The following SGCZ variants were observed in gnomAD, a reference collection of about 807,000 sequenced individuals.
SGCZ encodes zeta-sarcoglycan.
Under a neutral mutation model 41.3 loss-of-function variants are expected in SGCZ, and 40 were observed. The ratio of observed to expected loss-of-function variants is 0.97; its 90% CI spans 0.75 to 1.26. SGCZ has a LOEUF of 1.26. Ranked by LOEUF, SGCZ falls within the 50% of genes most tolerant of loss-of-function variation. SGCZ has a pLI of 0.00. For missense variants in SGCZ, 552 were observed against 369.8 expected (o/e 1.49, Z -4.04); for synonymous variants, 206 against 137.5 (o/e 1.50, Z -3.49).
intron 1 of SGCZ, among the ~76,000 whole-genome samples, chr8:14,993,188 T>C (rs1015124033): frequency 1.3e-5 from 2 of 152,212 alleles, no homozygotes; most frequent in African/African-American, 4.8e-5. Flanking sequence ...CTGACAGCCC[T>C]TTAACTCACG....
At chr8:15,190,594 A>C (rs766748216) in intron 1 of SGCZ, among the ~76,000 whole-genome samples, 2 of 151,992 alleles carry the variant, frequency 1.3e-5, no homozygotes, top group Admixed American at 1.3e-4. Context: ...GAATGGTGCA[A>C]ATCTACAGGT....
intron 5 of SGCZ, among the ~76,000 whole-genome samples, chr8:14,132,089 A>C (rs55742062): frequency 0.13 from 19,171 of 152,072 alleles, 1,283 homozygotes; most frequent in Middle Eastern, 0.21. Context: ...ATATTGGTCC[A>C]TGTGATGGTG....
intron 1 of SGCZ, among the ~76,000 whole-genome samples, chr8:15,053,950 C>A (rs569374919): frequency 2.6e-5 from 4 of 152,182 alleles, no homozygotes; most frequent in African/African-American, 9.6e-5. Flanking sequence ...TCATCCTTGA[C>A]AAAATTGAAA....
In SGCZ at chr8:14,963,186, G is replaced by A. The variant is rs996138991; in HGVS notation, c.39+274399C>T. Among the ~76,000 whole-genome samples, 11 of 152,066 alleles carry A rather than the reference G, an allele frequency of 7.2e-5. No homozygotes were observed. In the East Asian group the frequency reaches 1.9e-3, roughly 27 times the overall value. Reference sequence around the variant, plus strand: ...AGGAAATTAAGCAGGTAACTACATCGAACACCATATATGGCATACACCAGG... The same window carrying A: ...AGGAAATTAAGCAGGTAACTACATCAAACACCATATATGGCATACACCAGG... On this transcript the variant is annotated intron_variant, in intron 1 of 7. Coordinates refer to ENST00000382080, the MANE Select transcript of SGCZ (RefSeq NM_139167.4).
At chr8:14,396,528 A>G (rs1401282607) in intron 2 of SGCZ, among the ~76,000 whole-genome samples, 1 of 152,036 alleles carries the variant, frequency 6.6e-6, no homozygotes, top group East Asian at 1.9e-4. Flanking sequence ...TTCACCCAAT[A>G]TTAAGTACAT....
intron 1 of SGCZ, among the ~76,000 whole-genome samples, chr8:15,098,667 T>A (rs1174834943): frequency 6.6e-6 from 1 of 152,220 alleles, no homozygotes; most frequent in Non-Finnish European, 1.5e-5. Context: ...CTTTTTTTTC[T>A]GGCTTTTAAG....
At chr8:14,415,278 A>C (rs1799464465) in intron 2 of SGCZ, among the ~76,000 whole-genome samples, 1 of 152,106 alleles carries the variant, frequency 6.6e-6, no homozygotes, top group Admixed American at 6.6e-5. Flanking sequence ...TATCCAAATT[A>C]ATACAAAAAT....
chr8:14,832,105 A>C (rs1346129250), intron 1 of SGCZ, among the ~76,000 whole-genome samples: 2 of 152,186 alleles, frequency 1.3e-5, no homozygotes, highest in Non-Finnish European at 2.9e-5. Flanking sequence ...TTGAAATAGC[A>C]ATGCCTTCTT....
chr8:14,422,681 G>A (rs1489391776), intron 2 of SGCZ, among the ~76,000 whole-genome samples: 1 of 152,216 alleles, frequency 6.6e-6, no homozygotes, highest in Non-Finnish European at 1.5e-5. Context: ...GTGGGGAGAT[G>A]TAGATGAGCT....
intron 4 of SGCZ, among the ~76,000 whole-genome samples, chr8:14,218,194 T>C: frequency 6.6e-6 from 1 of 152,188 alleles, no homozygotes; most frequent in Non-Finnish European, 1.5e-5. Context: ...TGATATAATC[T>C]TGTTCATAGA....
At chr8:14,348,905 C>G (rs2117098990) in intron 2 of SGCZ, among the ~76,000 whole-genome samples, 1 of 152,226 alleles carries the variant, frequency 6.6e-6, no homozygotes, top group African/African-American at 2.4e-5. Flanking sequence ...CTTTTAGGAT[C>G]TCTACGCAGC....
intron 1 of SGCZ, among the ~76,000 whole-genome samples, chr8:14,938,988 C>G (rs921441599): frequency 6.6e-6 from 1 of 152,110 alleles, no homozygotes; most frequent in Non-Finnish European, 1.5e-5. Flanking sequence ...GTCTTTCAGT[C>G]TGCGCCCTGG....
intron 6 of SGCZ, among the ~76,000 whole-genome samples, chr8:14,103,597 T>C (rs915777385): frequency 6.6e-6 from 1 of 152,050 alleles, no homozygotes; most frequent in African/African-American, 2.4e-5. Flanking sequence ...AGCTTAAAAG[T>C]GATATGGAAG....
intron 1 of SGCZ, among the ~76,000 whole-genome samples, chr8:14,949,693 T>G (rs1316737785): frequency 6.6e-6 from 1 of 152,096 alleles, no homozygotes; most frequent in Non-Finnish European, 1.5e-5. Flanking sequence ...GGCAAACAAA[T>G]TATCTTTTTG....
intron 1 of SGCZ, among the ~76,000 whole-genome samples, chr8:14,942,562 G>C (rs1800312279): frequency 6.6e-6 from 1 of 152,042 alleles, no homozygotes; most frequent in African/African-American, 2.4e-5. Flanking sequence ...CCAAATATTT[G>C]AATATATCTA....
intron 1 of SGCZ, among the ~76,000 whole-genome samples, chr8:14,587,251 G>A (rs1296244060): frequency 6.6e-6 from 1 of 151,162 alleles, no homozygotes; most frequent in Non-Finnish European, 1.5e-5. Flanking sequence ...TATCTTAGTA[G>A]AAGATATAGC....
Position 14,807,835 on chromosome 8 carries a change from A to G in SGCZ, c.40-252909T>C, listed in dbSNP as rs1483106752. On this transcript the variant is annotated intron_variant, in intron 1 of 7. Transcript: ENST00000382080. ...ACACTATCTGACTTCAAACTGTACT[A>G]CAAGGCTACAGTAACCAAAACAGCA... Among the ~76,000 whole-genome samples, 3 of 152,222 alleles carry G rather than the reference A, an allele frequency of 2.0e-5. No individual in the cohort carries two copies. In the East Asian group the frequency reaches 5.8e-4, roughly 29 times the overall value.
At chr8:14,943,964 A>G (rs908729845) in intron 1 of SGCZ, among the ~76,000 whole-genome samples, 6 of 152,088 alleles carry the variant, frequency 3.9e-5, no homozygotes, top group African/African-American at 1.4e-4. Context: ...TTCTTTATCC[A>G]GTCTACTGTG....
chr8:14,650,672 T>G (rs1195297573), intron 1 of SGCZ, among the ~76,000 whole-genome samples: 1 of 152,036 alleles, frequency 6.6e-6, no homozygotes, highest in Non-Finnish European at 1.5e-5. Context: ...CTGAGAGTGA[T>G]TAGTAAAACT....
Sources: gnomAD v4.1 joint callset for allele counts (sites outside exome capture counted in the v4.1 genomes callset) on GRCh38, gnomAD v4.1.1 for gene constraint, MANE v1.5 for transcripts, NCBI Gene and HGNC (gene_info 2026-07-23, HGNC 2026-07-21) for gene names.